Variants in GALM observed in about 807,000 individuals in gnomAD.
GALM encodes the protein galactose mutarotase.
In GALM, 43 loss-of-function variants were observed where a neutral mutation model predicts 37.4. The ratio of observed to expected loss-of-function variants is 1.15; its 90% CI spans 0.90 to 1.48. The LOEUF is 1.48. Among genes scored for constraint, GALM ranks in the 40% most tolerant of loss-of-function variants. The pLI, the probability that GALM is intolerant of heterozygous loss-of-function variation, is 0.00. For missense variants in GALM, 456 were observed against 419.1 expected, an observed-to-expected ratio of 1.09 and a Z score of -0.77; for synonymous variants, 199 against 170.6, an observed-to-expected ratio of 1.17 and a Z score of -1.30.
At chr2:38,717,745 T>C (rs1202156980) in intron 4 of GALM, among the ~76,000 whole-genome samples, 1 of 149,936 alleles carries the variant, frequency 6.7e-6, no homozygotes, top group African/African-American at 2.5e-5. Context: ...TACAGAGGCA[T>C]AGAAATACCC....
At chr2:38,716,215 CT>C (rs1489210725) in intron 4 of GALM, among the ~76,000 whole-genome samples, 2 of 152,234 alleles carry the variant, frequency 1.3e-5, no homozygotes, top group Admixed American at 1.3e-4. Context: ...CTTCTGAAAG[CT>C]GTTGATTTGC....
At chr2:38,712,819 T>C (rs777569003) in intron 4 of GALM, among the ~76,000 whole-genome samples, 4 of 152,124 alleles carry the variant, frequency 2.6e-5, no homozygotes, top group African/African-American at 4.8e-5. Context: ...TATGTTTATT[T>C]GGGGCGATGT....
chr2:38,678,843 A>C (rs1024650370), intron 2 of GALM, among the ~76,000 whole-genome samples: 2 of 152,294 alleles, frequency 1.3e-5, no homozygotes, highest in Non-Finnish European at 1.5e-5. Flanking sequence ...ATTATCTTTC[A>C]AGTCCATAGA....
At chr2:38,681,054 C>G (rs189075695) in intron 2 of GALM, among the ~76,000 whole-genome samples, 6 of 151,878 alleles carry the variant, frequency 4.0e-5, no homozygotes, top group Admixed American at 3.3e-4. Context: ...ATTGCTTGAA[C>G]CTGGGAGGTG....
At chr2:38,710,529 G>C (rs1666127270) in intron 4 of GALM, among the ~76,000 whole-genome samples, 1 of 152,116 alleles carries the variant, frequency 6.6e-6, no homozygotes, top group African/African-American at 2.4e-5. Context: ...TGTCCCCCAA[G>C]TATTTTATTC....
chr2:38,681,634 G>T (rs1376511815), intron 3 of GALM, 148 bp downstream of exon 3: 1 of 645,996 alleles, frequency 1.5e-6, no homozygotes, highest in South Asian at 1.8e-5. Flanking sequence ...CTTATAGTAG[G>T]TGCTCAATAA....
chr2:38,692,485 A>T (rs1331055180), intron 4 of GALM, among the ~76,000 whole-genome samples: 1 of 152,148 alleles, frequency 6.6e-6, no homozygotes, highest in East Asian at 1.9e-4. Context: ...CCCTAGGCTC[A>T]AGCAATCCTC....
intron 4 of GALM, among the ~76,000 whole-genome samples, chr2:38,691,007 C>T (rs757373244): frequency 1.2e-4 from 18 of 152,292 alleles, no homozygotes; most frequent in Middle Eastern, 3.4e-3. Flanking sequence ...TAGCATGTGT[C>T]ATCTTGTGAT....
At chr2:38,701,681 G>A (rs1248302010) in intron 4 of GALM, among the ~76,000 whole-genome samples, 3 of 152,116 alleles carry the variant, frequency 2.0e-5, no homozygotes, top group Non-Finnish European at 4.4e-5. Context: ...AACCTCTGTC[G>A]GTTAAACCTA....
Position 38,671,296 on chromosome 2 carries a change from A to G in GALM, c.191-4616A>G, listed in dbSNP as rs999443638. 13 of 152,238 alleles carry G rather than the reference A, an allele frequency of 8.5e-5. 1 individual carries two copies. Among genetic ancestry groups the G allele is most frequent in the African/African-American group, 3.1e-4 (13 of 41,442 alleles). 9.4% of individuals were successfully genotyped at this position (152,238 alleles called of 1,614,324 possible). On this transcript the variant is annotated intron_variant, in intron 1 of 6. Coordinates refer to ENST00000272252, the MANE Select transcript of GALM (RefSeq NM_138801.3). ...GCTTAGTAACTATTAGTCCACTGCTATAGAAGAACTGCCTGAGACTGGGTA... is the reference window on the plus strand; with the variant it reads ...GCTTAGTAACTATTAGTCCACTGCTGTAGAAGAACTGCCTGAGACTGGGTA...
Position 38,675,533 on chromosome 2 carries a change from TTTTTTTTTTTTGTGTG to T in GALM, c.191-377_191-362del, listed in dbSNP as rs1558577580. Among the ~76,000 whole-genome samples the T allele has an allele frequency of 2.2e-3, 201 of 89,496 alleles. 2 individuals carry two copies. The highest frequency in any genetic ancestry group is 0.012 in the African/African-American group (192 of 15,498). 58.7% of individuals were successfully genotyped at this position (89,496 alleles called of 152,430 possible). ...TGGATTGAGGGTTTTTTTGTTTTTT[TTTTTTTTTTTTGTGTG>T]TGTGTGTGTGTGTGTGTGTGTGTGT... On this transcript the variant is annotated intron_variant, in intron 1 of 6. Transcript: ENST00000272252.
At chr2:38,727,420 C>T (rs1666507864) in intron 4 of GALM, among the ~76,000 whole-genome samples, 1 of 151,792 alleles carries the variant, frequency 6.6e-6, no homozygotes, top group Admixed American at 6.6e-5. Flanking sequence ...TTCTGAACAG[C>T]AGTTCTGAGT....
chr2:38,716,053 A>C (rs1572538178), intron 4 of GALM, among the ~76,000 whole-genome samples: 1 of 152,178 alleles, frequency 6.6e-6, no homozygotes, highest in East Asian at 1.9e-4. Context: ...GGTGAGCAGG[A>C]TGCTCCTAGG....
At chr2:38,673,810 A>C (rs80239184) in intron 1 of GALM, among the ~76,000 whole-genome samples, 1 of 82,676 alleles carries the variant, frequency 1.2e-5, no homozygotes, top group Non-Finnish European at 2.3e-5. Flanking sequence ...ACTCCGTCTC[A>C]AAAAAAAAAA....
At chr2:38,674,435 T>G (rs1411696886) in intron 1 of GALM, among the ~76,000 whole-genome samples, 19 of 152,166 alleles carry the variant, frequency 1.2e-4, no homozygotes, top group East Asian at 5.8e-4. Flanking sequence ...TGATCCACCC[T>G]TCTCAGCCTG....
intron 1 of GALM, among the ~76,000 whole-genome samples, chr2:38,675,236 T>C (rs1665214311): frequency 1.3e-5 from 2 of 152,122 alleles, no homozygotes; most frequent in Admixed American, 6.5e-5. Context: ...CAGATGCATA[T>C]ACTAAAAGAT....
chr2:38,675,911 G>A lies in GALM; in HGVS notation c.191-1G>A. On this transcript the variant is annotated splice_acceptor_variant, in intron 1 of 6. Coordinates refer to ENST00000272252, the MANE Select transcript of GALM (RefSeq NM_138801.3). LOFTEE classifies it high-confidence loss of function. ...AGTGCTGTCATCCCTTGTCCTTGCA[G>A]GATACCTCCAAAAGCAGCCATACTT... 1 of 1,613,912 alleles carries A rather than the reference G, an allele frequency of 6.2e-7. No individual in the cohort carries two copies. The highest frequency in any genetic ancestry group is 8.5e-7 in the Non-Finnish European group (1 of 1,179,984).
At chr2:38,723,684 G>A (rs745920934) in intron 4 of GALM, among the ~76,000 whole-genome samples, 3 of 151,958 alleles carry the variant, frequency 2.0e-5, no homozygotes, top group African/African-American at 4.8e-5. Context: ...ACAGCTACTC[G>A]GGAGGCTGAG....
At chr2:38,717,306 A>T (rs1427186959) in intron 4 of GALM, among the ~76,000 whole-genome samples, 2 of 143,652 alleles carry the variant, frequency 1.4e-5, no homozygotes, top group Admixed American at 7.0e-5. Flanking sequence ...GTATTAAGGG[A>T]GTGTGTGTGT....
Sources: gnomAD v4.1 joint callset for allele counts (sites outside exome capture counted in the v4.1 genomes callset) on GRCh38, gnomAD v4.1.1 for gene constraint, MANE v1.5 for transcripts, NCBI Gene and HGNC (gene_info 2026-07-23, HGNC 2026-07-21) for gene names.